The following USP34 variants were observed in gnomAD, a reference collection of about 807,000 sequenced individuals.
The protein encoded by USP34 is ubiquitin specific peptidase 34.
In USP34, 70 loss-of-function variants were observed where a neutral mutation model predicts 460.3. That is an observed-to-expected ratio of 0.15 (90% CI 0.13 to 0.19). USP34 has a LOEUF of 0.19. Among genes scored for constraint, USP34 ranks in the 10% least tolerant of loss-of-function variants. USP34 has a pLI of 1.00. For missense variants in USP34, 3,985 were observed against 4,236.2 expected (o/e 0.94, Z 1.65); for synonymous variants, 1,647 against 1,405.3 (o/e 1.17, Z -3.85).
intron 1 of USP34, among the ~76,000 whole-genome samples, chr2:61,470,047 T>G (rs977328521): frequency 6.6e-6 from 1 of 152,168 alleles, no homozygotes; most frequent in Non-Finnish European, 1.5e-5. Flanking sequence ...AGAAACATCA[T>G]TAACAAATTT....
rs1437147196 is a variant in USP34, at chr2:61,342,467, A to AT, written c.2500+1347dup. Among the ~76,000 whole-genome samples the AT allele has an allele frequency of 3.5e-5, 5 of 144,784 alleles. No homozygotes were observed. In the East Asian group the frequency reaches 8.9e-4, roughly 26 times the overall value. 95.0% of individuals were successfully genotyped at this position (144,784 alleles called of 152,430 possible). ...AGGTGAGCACCACCATACGCAGCTA[A>AT]TTTATTTTTTTTTTTTGTATTTTTA... On this transcript the variant is annotated intron_variant, in intron 16 of 79. Coordinates refer to ENST00000398571, the MANE Select transcript of USP34 (RefSeq NM_014709.4).
At chr2:61,236,100 C>T (rs764007517) in intron 55 of USP34, 27 bp from the exon 56 acceptor site, 2 of 1,596,010 alleles carry the variant, frequency 1.3e-6, no homozygotes, top group Admixed American at 1.8e-5. Context: ...AGCAAAAAAG[C>T]TTCAATCATT....
intron 53 of USP34, among the ~76,000 whole-genome samples, chr2:61,236,995 G>A (rs1480347268): frequency 6.6e-6 from 1 of 152,032 alleles, no homozygotes; most frequent in East Asian, 1.9e-4. Flanking sequence ...TGGAATTTTG[G>A]TTGGTCGGTT....
intron 3 of USP34, among the ~76,000 whole-genome samples, chr2:61,404,058 T>C (rs111582501): frequency 0.012 from 1,761 of 141,048 alleles, 32 homozygotes; most frequent in African/African-American, 0.043. Context: ...AAAGTACAAC[T>C]TGGAAGAGGG....
At chr2:61,281,982 ATTTTGTTTTGTTTTG>A (rs777429340) in intron 37 of USP34, among the ~76,000 whole-genome samples, 5 of 151,990 alleles carry the variant, frequency 3.3e-5, no homozygotes, top group Non-Finnish European at 5.9e-5. Flanking sequence ...TCCAGAACTA[ATTTTGTTTTGTTTTG>A]TTTTGTTTTT....
chr2:61,332,491 T>C (rs1691300162), intron 19 of USP34, among the ~76,000 whole-genome samples: 1 of 151,998 alleles, frequency 6.6e-6, no homozygotes, highest in Admixed American at 6.5e-5. Flanking sequence ...GTTCGGGTAC[T>C]TGATTAAGTA....
At chr2:61,219,497 C>T (rs1028969373) in intron 67 of USP34, among the ~76,000 whole-genome samples, 1 of 151,958 alleles carries the variant, frequency 6.6e-6, no homozygotes, top group Non-Finnish European at 1.5e-5. Flanking sequence ...ACGGTAAAAC[C>T]CTGTCTCTAC....
chr2:61,203,704 G>C (rs149459786), intron 74 of USP34, among the ~76,000 whole-genome samples: 1 of 152,136 alleles, frequency 6.6e-6, no homozygotes, highest in Admixed American at 6.5e-5. Flanking sequence ...TGTGGGTAAA[G>C]AAAGATAAAG....
intron 37 of USP34, among the ~76,000 whole-genome samples, 200 bp from the exon 38 acceptor site, chr2:61,281,442 T>A (rs1689533196): frequency 6.6e-6 from 1 of 152,136 alleles, no homozygotes; most frequent in Admixed American, 6.5e-5. Context: ...CAAAACCCTG[T>A]CACCACAAAA....
chr2:61,230,872 C>CA (rs1195263683), intron 58 of USP34, among the ~76,000 whole-genome samples: 1 of 145,796 alleles, frequency 6.9e-6, no homozygotes, highest in Non-Finnish European at 1.5e-5. Flanking sequence ...AACACAAAAA[C>CA]AAAAAACAGT....
At chr2:61,437,814 T>TAAATAAATAAAA (rs1191482540) in intron 1 of USP34, among the ~76,000 whole-genome samples, 30 of 150,106 alleles carry the variant, frequency 2.0e-4, no homozygotes, top group South Asian at 1.0e-3. Flanking sequence ...AATAAATAAA[T>TAAATAAATAAAA]AAAAAACCTG....
At chr2:61,327,200 A>C (rs1558531765) in intron 20 of USP34, among the ~76,000 whole-genome samples, 1 of 152,194 alleles carries the variant, frequency 6.6e-6, no homozygotes, top group Non-Finnish European at 1.5e-5. Context: ...TTAAAGCTTA[A>C]GTTTTCTGAA....
chr2:61,393,560 A>G (rs1478740059), intron 5 of USP34, among the ~76,000 whole-genome samples: 7 of 152,198 alleles, frequency 4.6e-5, no homozygotes, highest in Non-Finnish European at 8.8e-5. Context: ...ATTTATTACC[A>G]ATTTTAGTAA....
At chr2:61,375,258 G>A (rs1028462657) in intron 8 of USP34, among the ~76,000 whole-genome samples, 114 of 152,260 alleles carry the variant, frequency 7.5e-4, no homozygotes, top group Middle Eastern at 6.8e-3. Context: ...CTGCTGGCAA[G>A]AATAGGGAGA....
At chr2:61,275,082 T>C (rs768892590) in intron 41 of USP34, among the ~76,000 whole-genome samples, 5 of 151,934 alleles carry the variant, frequency 3.3e-5, no homozygotes, top group Non-Finnish European at 7.4e-5. Context: ...TTTGAGACCA[T>C]CCAGGGCAAC....
At chr2:61,342,660 A>G (rs1234837637) in intron 16 of USP34, among the ~76,000 whole-genome samples, 3 of 151,808 alleles carry the variant, frequency 2.0e-5, no homozygotes, top group African/African-American at 7.3e-5. Flanking sequence ...TCTGATCAAC[A>G]CTTTTGCCCA....
At chr2:61,344,806 C>G (rs1691714551) in intron 15 of USP34, among the ~76,000 whole-genome samples, 1 of 152,102 alleles carries the variant, frequency 6.6e-6, no homozygotes, top group African/African-American at 2.4e-5. Flanking sequence ...GGTTCCCAAT[C>G]AGGGGTGAAT....
chr2:61,195,996 T>A (rs1050915476), intron 75 of USP34, among the ~76,000 whole-genome samples: 2 of 146,708 alleles, frequency 1.4e-5, no homozygotes, highest in Non-Finnish European at 3.0e-5. Context: ...AACCTCCGCC[T>A]CCTGGGCTCA....
chr2:61,280,973 TA>T, intron 38 of USP34, 116 bp downstream of exon 38: 1 of 1,131,264 alleles, frequency 8.8e-7, no homozygotes, highest in Non-Finnish European at 1.2e-6. Flanking sequence ...ATCCTCTTGG[TA>T]AAAAATCACA....
Sources: allele counts gnomAD v4.1 joint callset (sites outside exome capture counted in the v4.1 genomes callset), GRCh38; gene constraint gnomAD v4.1.1; transcripts MANE v1.5; gene names NCBI Gene and HGNC (gene_info 2026-07-23, HGNC 2026-07-21).